The following GOSR2 variants were observed in gnomAD, a reference collection of about 807,000 sequenced individuals.
GOSR2 encodes 27 kDa Golgi SNARE protein.
Under a neutral mutation model 27.9 loss-of-function variants are expected in GOSR2, and 20 were observed. The ratio of observed to expected loss-of-function variants is 0.72; its 90% CI spans 0.50 to 1.04. GOSR2 has a LOEUF of 1.04. GOSR2 is among the 50% of genes least tolerant of loss of function. The pLI is 0.00. For missense variants in GOSR2, 261 were observed against 270.5 expected, an observed-to-expected ratio of 0.97 and a Z score of 0.25; for synonymous variants, 91 against 98.8, an observed-to-expected ratio of 0.92 and a Z score of 0.47.
chr17:46,929,599 G>C lies in GOSR2; in HGVS notation c.94+15G>C. The stretch of plus-strand genomic sequence containing the variant: ...GTCTGTGCACAGTGAGTAATTAACT[G>C]TGGAGACCAGAGTCCTTTCTCTGAT... On this transcript the variant is annotated intron_variant, in intron 2 of 5. Transcript: ENST00000640051. The C allele has an allele frequency of 1.5e-6, 2 of 1,314,690 alleles. No homozygotes were observed. The highest frequency in any genetic ancestry group is 1.8e-4 in the Middle Eastern group (1 of 5,512). The allele number at this position is 1,314,690 out of a possible 1,614,324, so 81.4% of individuals were successfully genotyped here. A position where few individuals can be genotyped will look rare whatever the true frequency, so the allele number is the denominator to read the frequency against.
At chr17:46,943,388 T>G (rs1291512846), downstream of GOSR2, among the ~76,000 whole-genome samples, 1 of 152,212 alleles carries the variant, frequency 6.6e-6, no homozygotes, top group Admixed American at 6.5e-5. Context: ...TGCCTGGTGT[T>G]CCGTCCTCCC....
At chr17:46,951,667 CA>C (rs1165870647) in intron 6 of GOSR2, among the ~76,000 whole-genome samples, 2 of 152,216 alleles carry the variant, frequency 1.3e-5, no homozygotes, top group Non-Finnish European at 2.9e-5. Context: ...CCCCTCTGCA[CA>C]ACCTCCCAGG....
downstream of GOSR2, among the ~76,000 whole-genome samples, chr17:46,942,305 C>T (rs960435821): frequency 1.3e-5 from 2 of 152,206 alleles, no homozygotes; most frequent in South Asian, 2.1e-4. Flanking sequence ...GTAGGCCTCA[C>T]GGAGGTCAGA....
At position 46,972,561 on chromosome 17, in the gene GOSR2, G is replaced by A. The variant is rs374265122; in HGVS notation, c.616-2638G>A. On this transcript the variant is annotated intron_variant, in intron 6 of 6. Transcript: ENST00000640723. ...AACCAGCAGTCTGCACAATGTGACCGTTGGTGACGGATGTTGGCCTCTGCC... is the reference window on the plus strand; with the variant it reads ...AACCAGCAGTCTGCACAATGTGACCATTGGTGACGGATGTTGGCCTCTGCC... Among the ~76,000 whole-genome samples, 30 of 152,344 alleles carry A rather than the reference G, an allele frequency of 2.0e-4. 1 individual carries two copies. The East Asian group carries it at 5.4e-3, about 27-fold the overall frequency.
Position 46,940,019 on chromosome 17 carries a change from A to T in GOSR2, c.*1259A>T, listed in dbSNP as rs2089034098. ...AGATCTGGAAACCGGCTCAGTATTAACCCTACCTTTGGTTGTCCTGCCCTA... is the reference window on the plus strand; with the variant it reads ...AGATCTGGAAACCGGCTCAGTATTATCCCTACCTTTGGTTGTCCTGCCCTA... On this transcript the variant is annotated 3_prime_UTR_variant, in exon 6 of 6. Transcript: ENST00000640051. The T allele has an allele frequency of 1.9e-6, 2 of 1,038,172 alleles. No individual in the cohort carries two copies. Among genetic ancestry groups the T allele is most frequent in the Non-Finnish European group, 2.3e-6 (2 of 861,630 alleles). The allele number at this position is 1,038,172 out of a possible 1,614,324, so 64.3% of individuals were successfully genotyped here.
At chr17:46,961,193 G>T (rs1234792737) in intron 6 of GOSR2, among the ~76,000 whole-genome samples, 1 of 152,008 alleles carries the variant, frequency 6.6e-6, no homozygotes, top group Non-Finnish European at 1.5e-5. Context: ...AAAAATGGAA[G>T]GGTAACCACT....
intron 6 of GOSR2, among the ~76,000 whole-genome samples, chr17:46,961,203 T>TA (rs1173464698): frequency 1.3e-5 from 2 of 152,044 alleles, no homozygotes; most frequent in Non-Finnish European, 2.9e-5. Context: ...GGGTAACCAC[T>TA]AAAAAAACAG....
intron 4 of GOSR2, chr17:46,933,012 C>T (rs2087638787): frequency 6.6e-6 from 1 of 152,196 alleles, no homozygotes; most frequent in Non-Finnish European, 1.5e-5. Context: ...ATAAATTTTC[C>T]CAAGTGTTTC....
At chr17:46,953,026 TTTATTA>T (rs769524542) in intron 6 of GOSR2, among the ~76,000 whole-genome samples, 1 of 151,974 alleles carries the variant, frequency 6.6e-6, no homozygotes, top group Non-Finnish European at 1.5e-5. Flanking sequence ...GTTTTTAAAT[TTTATTA>T]TTATTTTTTA....
intron 4 of GOSR2, chr17:46,933,442 T>C (rs943814827): frequency 1.3e-5 from 2 of 152,226 alleles, no homozygotes; most frequent in Non-Finnish European, 2.9e-5. Flanking sequence ...AACGCCAGCA[T>C]CTTCTGACAC....
At chr17:46,927,618 G>C (rs753349678) in intron 1 of GOSR2, among the ~76,000 whole-genome samples, 3 of 152,178 alleles carry the variant, frequency 2.0e-5, no homozygotes, top group Non-Finnish European at 4.4e-5. Flanking sequence ...GGAGCTGTTG[G>C]CATTTATTGT....
chr17:46,927,544 A>G (rs1404236832), intron 1 of GOSR2, among the ~76,000 whole-genome samples: 2 of 152,144 alleles, frequency 1.3e-5, no homozygotes, highest in Non-Finnish European at 2.9e-5. Context: ...TTGGGTTTTA[A>G]GTGAGCTTGA....
intron 4 of GOSR2, among the ~76,000 whole-genome samples, chr17:46,934,610 T>C (rs555191834): frequency 3.4e-4 from 52 of 152,214 alleles, no homozygotes; most frequent in Non-Finnish European, 5.3e-4. Flanking sequence ...ATAAAATAGC[T>C]AAAGGACACG....
At chr17:46,935,629 G>A (rs2088187658) in intron 5 of GOSR2, 5 of 1,017,276 alleles carry the variant, frequency 4.9e-6, no homozygotes, top group Non-Finnish European at 5.9e-6. Flanking sequence ...ACTGTGCAGT[G>A]TTAGGGCTGC....
At chr17:46,942,230 C>T (rs979932075), downstream of GOSR2, among the ~76,000 whole-genome samples, 11 of 152,232 alleles carry the variant, frequency 7.2e-5, no homozygotes, top group Non-Finnish European at 1.6e-4. Flanking sequence ...TCATCTGTTA[C>T]TGTCTCAACC....
At chr17:46,970,968 T>G (rs575896248), downstream of GOSR2, among the ~76,000 whole-genome samples, 19 of 152,364 alleles carry the variant, frequency 1.2e-4, no homozygotes, top group Admixed American at 3.9e-4. Flanking sequence ...GGATTAATAG[T>G]GATTCCTTCT....
chr17:46,970,235 T>A (rs942619260), downstream of GOSR2, among the ~76,000 whole-genome samples: 1 of 152,128 alleles, frequency 6.6e-6, no homozygotes, highest in African/African-American at 2.4e-5. Flanking sequence ...ATTAAGATGC[T>A]TCCTGCAAAA....
chr17:46,953,243 T>C (rs2090492920), intron 6 of GOSR2, among the ~76,000 whole-genome samples: 1 of 151,378 alleles, frequency 6.6e-6, no homozygotes, highest in African/African-American at 2.4e-5. Context: ...TTCCCCTTCC[T>C]GTGTCCATGT....
At chr17:46,930,882 T>G in intron 2 of GOSR2, 1 of 523,246 alleles carries the variant, frequency 1.9e-6, no homozygotes, top group Non-Finnish European at 3.4e-6. Context: ...ATTGGCATTG[T>G]TATGTCATTA....
Sources: gnomAD v4.1 joint callset for allele counts (sites outside exome capture counted in the v4.1 genomes callset) on GRCh38, gnomAD v4.1.1 for gene constraint, MANE v1.5 for transcripts, NCBI Gene and HGNC (gene_info 2026-07-23, HGNC 2026-07-21) for gene names.